Variants in HS6ST3 observed in about 807,000 individuals in gnomAD.
The protein encoded by HS6ST3 is heparan sulfate 6-O-sulfotransferase 3, also known as heparan-sulfate 6-O-sulfotransferase 3.
A neutral mutation model predicts 36.7 loss-of-function variants in HS6ST3; 12 were observed. The observed-to-expected ratio is 0.33, with a 90% CI of 0.21 to 0.53. The LOEUF (loss-of-function observed/expected upper bound fraction) is 0.53, where lower values mean the gene tolerates loss of function less well. Among genes scored for constraint, HS6ST3 ranks in the 20% least tolerant of loss-of-function variants. HS6ST3 has a pLI of 0.95. For missense variants in HS6ST3, 584 were observed against 640.9 expected (o/e 0.91, Z 0.96); for synonymous variants, 240 against 257.5 (o/e 0.93, Z 0.65).
At chr13:96,638,402 A>C (rs1015469368) in intron 1 of HS6ST3, among the ~76,000 whole-genome samples, 1 of 152,042 alleles carries the variant, frequency 6.6e-6, no homozygotes, top group African/African-American at 2.4e-5. Flanking sequence ...TAGGCAAGTT[A>C]CATACCCTCT....
At chr13:96,228,422 C>A (rs866858368) in intron 1 of HS6ST3, among the ~76,000 whole-genome samples, 3 of 152,230 alleles carry the variant, frequency 2.0e-5, no homozygotes, top group Middle Eastern at 3.4e-3. Flanking sequence ...GCTGCCACCA[C>A]ACCCAGCTAA....
chr13:96,200,163 G>C (rs1200521012), intron 1 of HS6ST3, among the ~76,000 whole-genome samples: 3 of 152,178 alleles, frequency 2.0e-5, no homozygotes, highest in Non-Finnish European at 4.4e-5. Context: ...GTCTGGCATA[G>C]TTGGAGGTGG....
chr13:96,617,456 G>A (rs1218486064), intron 1 of HS6ST3, among the ~76,000 whole-genome samples: 1 of 152,190 alleles, frequency 6.6e-6, no homozygotes, highest in African/African-American at 2.4e-5. Context: ...TGGTTGAATT[G>A]CATTTTAAGA....
chr13:96,396,117 G>A (rs532148002), intron 1 of HS6ST3, among the ~76,000 whole-genome samples: 4 of 152,072 alleles, frequency 2.6e-5, no homozygotes, highest in Admixed American at 1.3e-4. Flanking sequence ...AGTTCAAGAC[G>A]AGCCTGGCCA....
chr13:96,785,738 G>A (rs1196752512), intron 1 of HS6ST3, among the ~76,000 whole-genome samples: 1 of 152,078 alleles, frequency 6.6e-6, no homozygotes, highest in Admixed American at 6.5e-5. Context: ...ACAAAAAGAG[G>A]CAAAGAGATA....
chr13:96,636,453 G>A (rs2056550155), intron 1 of HS6ST3, among the ~76,000 whole-genome samples: 1 of 152,156 alleles, frequency 6.6e-6, no homozygotes, highest in Non-Finnish European at 1.5e-5. Context: ...CTCCAAGTGT[G>A]CAGTTTGGCC....
At chr13:96,099,970 G>A (rs1305877620) in intron 1 of HS6ST3, among the ~76,000 whole-genome samples, 1 of 152,112 alleles carries the variant, frequency 6.6e-6, no homozygotes, top group African/African-American at 2.4e-5. Flanking sequence ...GTAAATCTGA[G>A]GGTAAGAGCC....
At chr13:96,685,088 A>G (rs540971329) in intron 1 of HS6ST3, among the ~76,000 whole-genome samples, 125 of 152,222 alleles carry the variant, frequency 8.2e-4, no homozygotes, top group African/African-American at 2.9e-3. Flanking sequence ...CCTGTTTGGC[A>G]GGGCCTGGTT....
chr13:96,286,673 A>G (rs1594743425), intron 1 of HS6ST3, among the ~76,000 whole-genome samples: 1 of 152,224 alleles, frequency 6.6e-6, no homozygotes, highest in South Asian at 2.1e-4. Flanking sequence ...GGCAGTTTGT[A>G]TTACCCAGAA....
intron 1 of HS6ST3, among the ~76,000 whole-genome samples, chr13:96,639,929 G>T (rs111954092): frequency 6.6e-6 from 1 of 151,954 alleles, no homozygotes; most frequent in Non-Finnish European, 1.5e-5. Flanking sequence ...ATTCCATGAC[G>T]TAAATGTACC....
At chr13:96,139,541 GAAAAAA>G (rs57777280) in intron 1 of HS6ST3, among the ~76,000 whole-genome samples, 43 of 66,282 alleles carry the variant, frequency 6.5e-4, no homozygotes, top group African/African-American at 2.4e-3. Context: ...GTAAGATTCA[GAAAAAA>G]AAAAAAAAAA....
intron 1 of HS6ST3, among the ~76,000 whole-genome samples, chr13:96,566,042 C>A (rs1419754751): frequency 2.0e-5 from 3 of 150,660 alleles, no homozygotes; most frequent in Non-Finnish European, 4.4e-5. Context: ...GAAGTAAGAA[C>A]TGGATGCTGT....
rs1041105129 is a variant in HS6ST3, at chr13:96,834,191, G to T, written c.*993G>T. The T allele has an allele frequency of 6.6e-6, 1 of 152,186 alleles. No homozygotes were observed. The highest frequency in any genetic ancestry group is 2.4e-5 in the African/African-American group (1 of 41,436). The allele number at this position is 152,186 out of a possible 1,614,324, so 9.4% of individuals were successfully genotyped here. ...GAAATTTTGCCACCACAGAAAGAAAGATGTTTTTAAAAGCTTGGCCCAAAG... is the reference window on the plus strand; with the variant it reads ...GAAATTTTGCCACCACAGAAAGAAATATGTTTTTAAAAGCTTGGCCCAAAG... On this transcript the variant is annotated 3_prime_UTR_variant, in exon 2 of 2. Coordinates refer to ENST00000376705, the MANE Select transcript of HS6ST3 (RefSeq NM_153456.4).
intron 1 of HS6ST3, among the ~76,000 whole-genome samples, chr13:96,107,533 A>G (rs1424708696): frequency 2.0e-5 from 3 of 152,238 alleles, no homozygotes; most frequent in African/African-American, 4.8e-5. Flanking sequence ...AAGGGTGACA[A>G]TGATATGACA....
chr13:96,642,662 G>C (rs1223288832), intron 1 of HS6ST3, among the ~76,000 whole-genome samples: 1 of 151,746 alleles, frequency 6.6e-6, no homozygotes. Flanking sequence ...GCTCAAATTT[G>C]CTGTTGTGCC....
In HS6ST3 at chr13:96,310,922, C is replaced by A. The variant is rs184536451; in HGVS notation, c.707+219353C>A. Among the ~76,000 whole-genome samples, 23 of 152,186 alleles carry A rather than the reference C, an allele frequency of 1.5e-4. No homozygotes were observed. In the East Asian group the frequency reaches 4.3e-3, roughly 28 times the overall value. ...TTGCTTCCTACTACACCTGTCCCTTCCCTGTATGTGTTGCATGTATACCTC... is the reference window on the plus strand; with the variant it reads ...TTGCTTCCTACTACACCTGTCCCTTACCTGTATGTGTTGCATGTATACCTC... On this transcript the variant is annotated intron_variant, in intron 1 of 1. Coordinates refer to ENST00000376705, the MANE Select transcript of HS6ST3 (RefSeq NM_153456.4).
chr13:96,318,067 G>A (rs1301936002), intron 1 of HS6ST3, among the ~76,000 whole-genome samples: 1 of 152,108 alleles, frequency 6.6e-6, no homozygotes, highest in South Asian at 2.1e-4. Context: ...GGTTCTACTT[G>A]TAAATTTTTG....
chr13:96,151,682 G>A (rs2054085787), intron 1 of HS6ST3, among the ~76,000 whole-genome samples: 1 of 152,178 alleles, frequency 6.6e-6, no homozygotes, highest in Non-Finnish European at 1.5e-5. Flanking sequence ...CCTAAACCAA[G>A]GTGTCGGCAG....
At chr13:96,763,139 T>C (rs1877009762) in intron 1 of HS6ST3, among the ~76,000 whole-genome samples, 1 of 152,042 alleles carries the variant, frequency 6.6e-6, no homozygotes, top group South Asian at 2.1e-4. Context: ...GAAGCAACTC[T>C]GAGAAAGAAA....
Sources: allele counts gnomAD v4.1 joint callset (sites outside exome capture counted in the v4.1 genomes callset), GRCh38; gene constraint gnomAD v4.1.1; transcripts MANE v1.5; gene names NCBI Gene and HGNC (gene_info 2026-07-23, HGNC 2026-07-21).